Variants in DLGAP2 observed in about 807,000 individuals in gnomAD.
The protein encoded by DLGAP2 is disks large-associated protein 2.
Under a neutral mutation model 100.3 loss-of-function variants are expected in DLGAP2, and 26 were observed. That is an observed-to-expected ratio of 0.26 (90% CI 0.19 to 0.36). The LOEUF is 0.36. DLGAP2 is among the 10% of genes least tolerant of loss of function. DLGAP2 has a pLI of 1.00. For missense variants in DLGAP2, 1,858 were observed against 1,453.2 expected (o/e 1.28, Z -4.53); for synonymous variants, 886 against 630.1 (o/e 1.41, Z -6.08).
At chr8:1,083,879 G>A (rs781182795) in intron 2 of DLGAP2, among the ~76,000 whole-genome samples, 4 of 152,136 alleles carry the variant, frequency 2.6e-5, no homozygotes, top group Non-Finnish European at 4.4e-5. Flanking sequence ...ATGTGTCTAA[G>A]TGGCTAATAA....
At chr8:1,513,744 G>A (rs570580084) in intron 4 of DLGAP2, among the ~76,000 whole-genome samples, 25 of 152,260 alleles carry the variant, frequency 1.6e-4, no homozygotes, top group South Asian at 4.2e-4. Flanking sequence ...TTATAGATGT[G>A]TAAGTTACAA....
chr8:848,961 C>A (rs1044020794), intron 1 of DLGAP2, among the ~76,000 whole-genome samples: 2 of 150,180 alleles, frequency 1.3e-5, no homozygotes, highest in Non-Finnish European at 2.9e-5. Context: ...GGTGCCTGTT[C>A]CAGCATAGGA....
At chr8:882,811 TC>T (rs1371675344) in intron 1 of DLGAP2, among the ~76,000 whole-genome samples, 1 of 152,250 alleles carries the variant, frequency 6.6e-6, no homozygotes, top group Non-Finnish European at 1.5e-5. Flanking sequence ...GCGGCATCTC[TC>T]CCTGGCGTCA....
rs142317769 is a variant in DLGAP2 at position 1,322,978 on chromosome 8, C to T, written c.106+64095C>T. The stretch of plus-strand genomic sequence containing the variant: ...TATTTTTAAAATTCACCTTTGTCCC[C>T]TCCATGCCCCATAGAATAAGTGCTT... On this transcript the variant is annotated intron_variant, in intron 3 of 14. Coordinates refer to ENST00000637795, the MANE Select transcript of DLGAP2 (RefSeq NM_001346810.2). Among the ~76,000 whole-genome samples, 274 of 152,180 alleles carry T rather than the reference C, an allele frequency of 1.8e-3. 2 individuals carry two copies. The highest frequency in any genetic ancestry group is 6.8e-3 in the Middle Eastern group (2 of 292).
chr8:1,231,335 C>T (rs189856093), intron 2 of DLGAP2, among the ~76,000 whole-genome samples: 1 of 152,230 alleles, frequency 6.6e-6, no homozygotes, highest in Admixed American at 6.5e-5. Context: ...AGTCGAAAAA[C>T]AACAGATGCT....
At chr8:758,176 T>G (rs375199530) in intron 1 of DLGAP2, among the ~76,000 whole-genome samples, 1 of 152,216 alleles carries the variant, frequency 6.6e-6, no homozygotes, top group East Asian at 1.9e-4. Flanking sequence ...AGGTGGACAG[T>G]GAAGCCAGGA....
At chr8:1,166,282 ATGC>A (rs1042075524) in intron 2 of DLGAP2, among the ~76,000 whole-genome samples, 13 of 152,270 alleles carry the variant, frequency 8.5e-5, no homozygotes, top group African/African-American at 3.1e-4. Context: ...CCCGTGCAAG[ATGC>A]ACCACCCCGT....
chr8:1,277,353 T>G (rs1799719061), intron 3 of DLGAP2, among the ~76,000 whole-genome samples: 1 of 152,146 alleles, frequency 6.6e-6, no homozygotes, highest in African/African-American at 2.4e-5. Flanking sequence ...GCAGCCTGTT[T>G]TTGGTAGGCT....
At chr8:1,051,484 C>A (rs1373912710) in intron 2 of DLGAP2, among the ~76,000 whole-genome samples, 1 of 152,162 alleles carries the variant, frequency 6.6e-6, no homozygotes, top group Non-Finnish European at 1.5e-5. Context: ...AAGGCACAGA[C>A]TATATTGATG....
intron 3 of DLGAP2, among the ~76,000 whole-genome samples, chr8:1,295,743 G>A (rs982261575): frequency 6.6e-5 from 10 of 152,228 alleles, no homozygotes; most frequent in African/African-American, 9.6e-5. Flanking sequence ...GGCAGGTGAC[G>A]CCGGGCAGGG....
chr8:1,508,558 T>G (rs1800033407), intron 4 of DLGAP2, among the ~76,000 whole-genome samples: 1 of 65,114 alleles, frequency 1.5e-5, no homozygotes, highest in Admixed American at 1.9e-4. Flanking sequence ...CATTGCTGCC[T>G]CCACGCGCGC....
At chr8:1,238,466 T>TGC (rs1798713364) in intron 2 of DLGAP2, among the ~76,000 whole-genome samples, 1 of 132,770 alleles carries the variant, frequency 7.5e-6, no homozygotes, top group Non-Finnish European at 1.7e-5. Context: ...TCTAGTTCTC[T>TGC]CACATGGCAC....
chr8:1,697,343 C>A (rs746011627), intron 14 of DLGAP2, 44 bp downstream of exon 14: 56 of 1,546,958 alleles, frequency 3.6e-5, no homozygotes, highest in Admixed American at 9.6e-5. Flanking sequence ...AACCCCCTTT[C>A]TCACTGCACT....
At chr8:1,138,904 T>C (rs887564866) in intron 2 of DLGAP2, among the ~76,000 whole-genome samples, 17 of 152,044 alleles carry the variant, frequency 1.1e-4, no homozygotes, top group African/African-American at 3.9e-4. Context: ...GGTGGGAGAC[T>C]CCTCCTGTTT....
Position 1,626,589 on chromosome 8 carries a change from G to C in DLGAP2, c.1443-151G>C, listed in dbSNP as rs1306679376. 3 of 909,442 alleles carry C rather than the reference G, an allele frequency of 3.3e-6. No individual in the cohort carries two copies. The African/African-American group carries it at 4.9e-5, about 15-fold the overall frequency. 56.3% of individuals were successfully genotyped at this position (909,442 alleles called of 1,614,324 possible). A position where few individuals can be genotyped will look rare whatever the true frequency, so the allele number is the denominator to read the frequency against. The stretch of plus-strand genomic sequence containing the variant: ...TTCCCATCTCTACCCTGCAGCAGGT[G>C]CTCAGCCTCTGGGTGTGGGTTGGAC... On this transcript the variant is annotated intron_variant, in intron 6 of 14. Coordinates refer to ENST00000637795, the MANE Select transcript of DLGAP2 (RefSeq NM_001346810.2).
Position 1,565,838 on chromosome 8 carries a change from C to A in DLGAP2, c.1386C>A (p.Ile462=). Residue 462 remains isoleucine (I), a synonymous_variant, in exon 6 of 15, where the codon ATC becomes ATA. Transcript: ENST00000637795. ...CCAAGACATCACCAAAGTCGGCAAT[C>A]CTACCAGAGCCGCTGCTGAAGTCCA... ...SSPKTSPKSA[I]LPEPLLKSIG... The A allele has an allele frequency of 6.2e-7, 1 of 1,613,356 alleles. No homozygotes were observed. Among genetic ancestry groups the A allele is most frequent in the Non-Finnish European group, 8.5e-7 (1 of 1,179,610 alleles).
intron 2 of DLGAP2, among the ~76,000 whole-genome samples, chr8:1,139,204 G>A (rs985013018): frequency 2.0e-5 from 3 of 152,178 alleles, no homozygotes; most frequent in Non-Finnish European, 4.4e-5. Context: ...GTGTGCACAG[G>A]GCGGGGGGAG....
intron 2 of DLGAP2, among the ~76,000 whole-genome samples, chr8:916,976 G>T (rs977449489): frequency 1.8e-4 from 28 of 152,318 alleles, no homozygotes; most frequent in African/African-American, 6.3e-4. Flanking sequence ...CCTCAGGACT[G>T]GAAGGGCCTC....
At chr8:1,174,282 TCAC>T (rs1241012504) in intron 2 of DLGAP2, among the ~76,000 whole-genome samples, 1 of 151,880 alleles carries the variant, frequency 6.6e-6, no homozygotes, top group Non-Finnish European at 1.5e-5. Flanking sequence ...ACCACCATCA[TCAC>T]CACCATCATC....
Sources: allele counts gnomAD v4.1 joint callset (sites outside exome capture counted in the v4.1 genomes callset), GRCh38; gene constraint gnomAD v4.1.1; transcripts MANE v1.5; gene names NCBI Gene and HGNC (gene_info 2026-07-23, HGNC 2026-07-21).